ELMO1: variants seen among roughly 807,000 people sequenced by gnomAD.
ELMO1 encodes the protein engulfment and cell motility 1.
ELMO1 carries 26 observed loss-of-function variants against 98.9 expected under a neutral mutation model. The ratio of observed to expected loss-of-function variants is 0.26; its 90% CI spans 0.19 to 0.36. The LOEUF is 0.36. Among genes scored for constraint, ELMO1 ranks in the 10% least tolerant of loss-of-function variants. The pLI is 1.00. For missense variants in ELMO1, 627 were observed against 935.2 expected (o/e 0.67, Z 4.30); for synonymous variants, 346 against 346.0 (o/e 1.00, Z 0.00).
At chr7:36,927,740 C>G (rs959219574) in intron 16 of ELMO1, among the ~76,000 whole-genome samples, 9 of 152,214 alleles carry the variant, frequency 5.9e-5, no homozygotes, top group African/African-American at 1.9e-4. Context: ...ATACATTTAG[C>G]ATCACTCTAG....
At chr7:37,182,557 CTCTCTT>C (rs1283650164) in intron 13 of ELMO1, among the ~76,000 whole-genome samples, 1 of 138,970 alleles carries the variant, frequency 7.2e-6, no homozygotes, top group Non-Finnish European at 1.5e-5. Flanking sequence ...CTCCTTCTTT[CTCTCTT>C]TCTCTCTCTC....
intron 1 of ELMO1, among the ~76,000 whole-genome samples, chr7:37,390,067 C>A (rs1294738707): frequency 2.6e-5 from 4 of 151,872 alleles, no homozygotes; most frequent in African/African-American, 9.7e-5. Context: ...ATCAAAAGAA[C>A]AAGAAATGTC....
At chr7:37,275,930 C>T (rs1399499968) in intron 4 of ELMO1, among the ~76,000 whole-genome samples, 1 of 152,222 alleles carries the variant, frequency 6.6e-6, no homozygotes, top group Non-Finnish European at 1.5e-5. Flanking sequence ...ACACCTTTGG[C>T]TCTGAAAGGC....
intron 1 of ELMO1, among the ~76,000 whole-genome samples, chr7:37,395,565 T>C (rs1204956796): frequency 2.0e-5 from 3 of 152,046 alleles, no homozygotes; most frequent in East Asian, 1.9e-4. Context: ...CAGAACTTGA[T>C]GAGATCCTTG....
chr7:37,153,123 A>G (rs1788475775), intron 13 of ELMO1, among the ~76,000 whole-genome samples: 2 of 152,216 alleles, frequency 1.3e-5, no homozygotes, highest in African/African-American at 4.8e-5. Context: ...TTCGGGAATT[A>G]TATCTCACAG....
intron 1 of ELMO1, among the ~76,000 whole-genome samples, chr7:37,365,862 A>G (rs954474519): frequency 2.0e-5 from 3 of 152,244 alleles, no homozygotes; most frequent in Non-Finnish European, 4.4e-5. Flanking sequence ...AAATGTGTGC[A>G]GTGTTTTTAA....
At chr7:37,176,559 A>T (rs1010993475) in intron 13 of ELMO1, among the ~76,000 whole-genome samples, 2 of 152,242 alleles carry the variant, frequency 1.3e-5, no homozygotes, top group East Asian at 3.8e-4. Flanking sequence ...TATACAATGC[A>T]TCAACCCAAT....
intron 16 of ELMO1, among the ~76,000 whole-genome samples, chr7:37,000,439 G>A (rs1792573018): frequency 6.6e-6 from 1 of 152,208 alleles, no homozygotes; most frequent in African/African-American, 2.4e-5. Flanking sequence ...GACCAGAAGA[G>A]TTCTGGGGAG....
intron 8 of ELMO1, among the ~76,000 whole-genome samples, chr7:37,225,967 CT>C (rs990801095): frequency 7.2e-5 from 11 of 152,270 alleles, no homozygotes; most frequent in African/African-American, 1.9e-4. Context: ...TGCTTCCCCC[CT>C]GTCAACACTA....
chr7:37,226,006 A>T (rs962810874), intron 8 of ELMO1, among the ~76,000 whole-genome samples: 1 of 152,036 alleles, frequency 6.6e-6, no homozygotes, highest in Non-Finnish European at 1.5e-5. Flanking sequence ...TGCCCCAGAG[A>T]CCACTTGCCT....
intron 13 of ELMO1, among the ~76,000 whole-genome samples, chr7:37,168,659 G>A (rs562641525): frequency 9.9e-5 from 15 of 152,220 alleles, no homozygotes; most frequent in Admixed American, 2.0e-4. Flanking sequence ...GCGGTTTTTC[G>A]TGAACCGTGA....
At chr7:37,005,513 G>A (rs1793017682) in intron 16 of ELMO1, among the ~76,000 whole-genome samples, 1 of 151,932 alleles carries the variant, frequency 6.6e-6, no homozygotes, top group Admixed American at 6.6e-5. Context: ...CCAACATGGT[G>A]AAACCCCATC....
chr7:37,406,689 G>A (rs562608175), intron 1 of ELMO1, among the ~76,000 whole-genome samples: 7 of 151,936 alleles, frequency 4.6e-5, no homozygotes, highest in Non-Finnish European at 7.4e-5. Flanking sequence ...TGATCTGCCC[G>A]CCTCGGCCTC....
chr7:36,965,216 G>T (rs1333541946), intron 16 of ELMO1, among the ~76,000 whole-genome samples: 1 of 152,036 alleles, frequency 6.6e-6, no homozygotes, highest in Non-Finnish European at 1.5e-5. Flanking sequence ...TGGCATCATG[G>T]CTGGGGTGGC....
intron 13 of ELMO1, among the ~76,000 whole-genome samples, chr7:37,149,620 G>A (rs1176480180): frequency 1.3e-5 from 2 of 152,102 alleles, no homozygotes; most frequent in Non-Finnish European, 2.9e-5. Flanking sequence ...TCACATCAGG[G>A]AGCAGAATCC....
At chr7:36,932,942 TG>T (rs1268435814) in intron 16 of ELMO1, among the ~76,000 whole-genome samples, 1 of 152,204 alleles carries the variant, frequency 6.6e-6, no homozygotes, top group African/African-American at 2.4e-5. Context: ...GCAGAGACAG[TG>T]GGCGGATGCC....
chr7:37,228,487 T>C (rs1305771470), intron 8 of ELMO1, among the ~76,000 whole-genome samples: 2 of 152,214 alleles, frequency 1.3e-5, no homozygotes, highest in African/African-American at 2.4e-5. Context: ...AGTAGGCCTG[T>C]AACATAAGGA....
intron 15 of ELMO1, among the ~76,000 whole-genome samples, chr7:37,074,326 G>A (rs1418168254): frequency 6.6e-6 from 1 of 151,930 alleles, no homozygotes; most frequent in African/African-American, 2.4e-5. Context: ...GGGTAAAACA[G>A]CTTTATTAAT....
intron 15 of ELMO1, among the ~76,000 whole-genome samples, chr7:37,035,063 T>C (rs963699318): frequency 1.3e-5 from 2 of 152,216 alleles, no homozygotes; most frequent in African/African-American, 4.8e-5. Context: ...CTTGCTTCTC[T>C]TCCTTTCCAA....
Sources: gnomAD v4.1 joint callset for allele counts (sites outside exome capture counted in the v4.1 genomes callset) on GRCh38, gnomAD v4.1.1 for gene constraint, MANE v1.5 for transcripts, NCBI Gene and HGNC (gene_info 2026-07-23, HGNC 2026-07-21) for gene names.